The following ATXN7L1 variants were observed in gnomAD, a reference collection of about 807,000 sequenced individuals.
ATXN7L1 encodes ataxin 7 like 1.
ATXN7L1 carries 15 observed loss-of-function variants against 70.8 expected under a neutral mutation model. The observed-to-expected ratio is 0.21, with a 90% CI of 0.14 to 0.33. The LOEUF (loss-of-function observed/expected upper bound fraction) is 0.33. Among genes scored for constraint, ATXN7L1 ranks in the 10% least tolerant of loss-of-function variants. The pLI, the probability that ATXN7L1 is intolerant of heterozygous loss-of-function variation, is 1.00. For synonymous variants in ATXN7L1, 440 were observed against 445.1 expected (o/e 0.99, Z 0.14); for missense variants, 975 against 1,097.1 (o/e 0.89, Z 1.57).
At chr7:105,749,668 G>T (rs1798966889) in intron 3 of ATXN7L1, among the ~76,000 whole-genome samples, 1 of 151,716 alleles carries the variant, frequency 6.6e-6, no homozygotes, top group South Asian at 2.1e-4. Context: ...AATATCCCTG[G>T]ATTAATATCT....
chr7:105,769,546 G>C (rs1801710115), intron 3 of ATXN7L1, among the ~76,000 whole-genome samples: 1 of 152,198 alleles, frequency 6.6e-6, no homozygotes, highest in Admixed American at 6.5e-5. Flanking sequence ...TGGTGGGAAG[G>C]AATGGGGGCG....
intron 2 of ATXN7L1, among the ~76,000 whole-genome samples, chr7:105,839,130 T>C (rs968279486): frequency 6.6e-6 from 1 of 152,050 alleles, no homozygotes; most frequent in African/African-American, 2.4e-5. Flanking sequence ...GTGTTCTAGA[T>C]ACAAATACAG....
intron 3 of ATXN7L1, among the ~76,000 whole-genome samples, chr7:105,669,270 C>T (rs1428473130): frequency 6.6e-6 from 1 of 151,988 alleles, no homozygotes. Flanking sequence ...TTAGTAGAGA[C>T]AGGGTTTCGC....
At chr7:105,681,230 G>C (rs1315770769) in intron 3 of ATXN7L1, among the ~76,000 whole-genome samples, 1 of 152,094 alleles carries the variant, frequency 6.6e-6, no homozygotes, top group African/African-American at 2.4e-5. Flanking sequence ...TTCGAGACCA[G>C]CCTGGCCAAT....
rs534925199 is a variant in ATXN7L1 at position 105,724,530 on chromosome 7, C to T, written c.356-59242G>A. Among the ~76,000 whole-genome samples, 357 of 140,718 alleles carry T rather than the reference C, an allele frequency of 2.5e-3. 4 individuals carry two copies. The highest frequency in any genetic ancestry group is 8.6e-3 in the African/African-American group (320 of 37,288). 92.3% of individuals were successfully genotyped at this position (140,718 alleles called of 152,430 possible). A position where few individuals can be genotyped will look rare whatever the true frequency, so the allele number is the denominator to read the frequency against. ...CAGAGGCTGCAGTAAGCTGAGATCA[C>T]GCCATTGCACTCCAGCCTGGACGAC... On this transcript the variant is annotated intron_variant, in intron 3 of 11. Transcript: ENST00000419735.
At chr7:105,733,948 C>CCATCATCCAT (rs1563049959) in intron 3 of ATXN7L1, among the ~76,000 whole-genome samples, 6 of 149,416 alleles carry the variant, frequency 4.0e-5, no homozygotes, top group Non-Finnish European at 8.9e-5. Context: ...ATCCATCCAT[C>CCATCATCCAT]CATCCATCCA....
chr7:105,638,731 C>T, intron 6 of ATXN7L1, 122 bp from the exon 7 acceptor site: 4 of 1,252,054 alleles, frequency 3.2e-6, no homozygotes, highest in Non-Finnish European at 3.2e-6. Flanking sequence ...AAGTCAACTT[C>T]AAGGCAACAG....
intron 3 of ATXN7L1, among the ~76,000 whole-genome samples, chr7:105,780,895 C>A (rs1803427137): frequency 6.6e-6 from 1 of 152,140 alleles, no homozygotes; most frequent in South Asian, 2.1e-4. Flanking sequence ...TGGGCATAAA[C>A]ACATATTTTA....
intron 3 of ATXN7L1, among the ~76,000 whole-genome samples, chr7:105,782,677 C>G (rs535727781): frequency 6.6e-6 from 1 of 152,204 alleles, no homozygotes; most frequent in Non-Finnish European, 1.5e-5. Flanking sequence ...CGGCAGGGAA[C>G]GCAGAGAGAT....
At chr7:105,629,344 A>C (rs554312729) in intron 7 of ATXN7L1, among the ~76,000 whole-genome samples, 1 of 152,144 alleles carries the variant, frequency 6.6e-6, no homozygotes, top group South Asian at 2.1e-4. Context: ...TTCCACCTGT[A>C]ACTGAAATCA....
At chr7:105,641,654 A>C (rs1798277984) in intron 5 of ATXN7L1, among the ~76,000 whole-genome samples, 1 of 152,208 alleles carries the variant, frequency 6.6e-6, no homozygotes, top group African/African-American at 2.4e-5. Context: ...ACCACCTCTG[A>C]AGAGTGAAAC....
chr7:105,819,768 G>C, intron 2 of ATXN7L1: 1 of 703,122 alleles, frequency 1.4e-6, no homozygotes, highest in Non-Finnish European at 2.6e-6. Context: ...ACAAGACAAA[G>C]CAAGGCCGGG....
intron 3 of ATXN7L1, among the ~76,000 whole-genome samples, chr7:105,779,001 C>T (rs1047391097): frequency 6.6e-6 from 1 of 152,228 alleles, no homozygotes; most frequent in African/African-American, 2.4e-5. Flanking sequence ...TCACCTGCCC[C>T]AAGCACCTGT....
intron 2 of ATXN7L1, among the ~76,000 whole-genome samples, chr7:105,819,082 G>C (rs1015404247): frequency 6.7e-6 from 1 of 148,700 alleles, no homozygotes; most frequent in Non-Finnish European, 1.5e-5. Context: ...CCCACCCTGT[G>C]TCCAAGTGAT....
At chr7:105,742,937 AAC>A (rs1380878000) in intron 3 of ATXN7L1, among the ~76,000 whole-genome samples, 1 of 151,904 alleles carries the variant, frequency 6.6e-6, no homozygotes, top group East Asian at 1.9e-4. Flanking sequence ...TCCCCCTCTC[AAC>A]ATGCTTATGC....
chr7:105,861,472 G>GAGGT (rs1199606566), intron 2 of ATXN7L1, among the ~76,000 whole-genome samples: 1 of 148,898 alleles, frequency 6.7e-6, no homozygotes, highest in Non-Finnish European at 1.5e-5. Flanking sequence ...GGGAGGGAGG[G>GAGGT]AGGAGAGGAG....
At chr7:105,686,975 C>T (rs1563003529) in intron 3 of ATXN7L1, among the ~76,000 whole-genome samples, 1 of 152,158 alleles carries the variant, frequency 6.6e-6, no homozygotes, top group Non-Finnish European at 1.5e-5. Flanking sequence ...CTGGAGCCTA[C>T]TGGTCCACAA....
chr7:105,861,084 G>A (rs949513265), intron 2 of ATXN7L1, among the ~76,000 whole-genome samples: 4 of 152,166 alleles, frequency 2.6e-5, no homozygotes, highest in African/African-American at 9.6e-5. Flanking sequence ...AGGATGAGGG[G>A]CAAGGGGAAG....
intron 3 of ATXN7L1, among the ~76,000 whole-genome samples, chr7:105,773,790 G>A (rs894212063): frequency 1.3e-5 from 2 of 152,288 alleles, no homozygotes; most frequent in Admixed American, 6.5e-5. Flanking sequence ...TAAAAAGGAT[G>A]GAACGCAGGA....
Sources: allele counts gnomAD v4.1 joint callset (sites outside exome capture counted in the v4.1 genomes callset), GRCh38; gene constraint gnomAD v4.1.1; transcripts MANE v1.5; gene names NCBI Gene and HGNC (gene_info 2026-07-23, HGNC 2026-07-21).